The following OR51B5 variants were observed in gnomAD, a reference collection of about 807,000 sequenced individuals.
OR51B5 encodes olfactory receptor family 51 subfamily B member 5, also known as olfactory receptor 51B5.
For missense variants in OR51B5, 456 were observed against 374.6 expected, an observed-to-expected ratio of 1.22 and a Z score of -1.79; for synonymous variants, 186 against 144.8, an observed-to-expected ratio of 1.28 and a Z score of -2.04.
chr11:5,447,760 G>T (rs762923135), intron 1 of OR51B5, among the ~76,000 whole-genome samples: 6 of 142,368 alleles, frequency 4.2e-5, no homozygotes, highest in Non-Finnish European at 7.7e-5. Context: ...TTCCCCAGTG[G>T]CACTTCTTCA....
chr11:5,356,913 G>A (rs1243384726), intron 1 of OR51B5, among the ~76,000 whole-genome samples: 1 of 150,604 alleles, frequency 6.6e-6, no homozygotes, highest in South Asian at 2.1e-4. Context: ...ATACTTTACA[G>A]ACAAGCAAAT....
intron 1 of OR51B5, among the ~76,000 whole-genome samples, chr11:5,421,204 C>T (rs1274842184): frequency 6.6e-6 from 1 of 152,208 alleles, no homozygotes; most frequent in Admixed American, 6.5e-5. Context: ...TCCCAAGATG[C>T]GATGCCTCCG....
At chr11:5,470,889 A>T (rs1274617604) in intron 1 of OR51B5, among the ~76,000 whole-genome samples, 1 of 152,194 alleles carries the variant, frequency 6.6e-6, no homozygotes, top group African/African-American at 2.4e-5. Context: ...TGTCTAATTC[A>T]TTCGACACAA....
At chr11:5,387,206 G>A (rs1024368900) in intron 1 of OR51B5, among the ~76,000 whole-genome samples, 1 of 152,112 alleles carries the variant, frequency 6.6e-6, no homozygotes, top group Non-Finnish European at 1.5e-5. Context: ...AAGAGAACCA[G>A]CAGATCTTGG....
At chr11:5,488,195 T>C (rs540120683) in intron 1 of OR51B5, among the ~76,000 whole-genome samples, 5 of 152,076 alleles carry the variant, frequency 3.3e-5, no homozygotes, top group Non-Finnish European at 5.9e-5. Context: ...TTTTGTAAGA[T>C]AGTGGAAGTA....
intron 1 of OR51B5, among the ~76,000 whole-genome samples, chr11:5,475,006 A>G (rs535093719): frequency 1.3e-3 from 198 of 152,166 alleles, no homozygotes; most frequent in Non-Finnish European, 2.1e-3. Context: ...AGTAAGCTCA[A>G]TAAATAGGTG....
intron 1 of OR51B5, among the ~76,000 whole-genome samples, chr11:5,498,534 T>C (rs1851681747): frequency 6.6e-6 from 1 of 152,176 alleles, no homozygotes; most frequent in South Asian, 2.1e-4. Context: ...AAAATCAACA[T>C]ATTAGAATCT....
intron 1 of OR51B5, among the ~76,000 whole-genome samples, chr11:5,365,437 G>A (rs1849349098): frequency 6.6e-6 from 1 of 152,180 alleles, no homozygotes; most frequent in Non-Finnish European, 1.5e-5. Flanking sequence ...AAATCGCTGT[G>A]GAGAGATGCA....
At chr11:5,468,480 C>T (rs776891705) in intron 1 of OR51B5, 1 of 342,914 alleles carries the variant, frequency 2.9e-6, no homozygotes, top group African/African-American at 2.2e-5. Context: ...GGACAGTTTT[C>T]CTTGATCAGA....
At chr11:5,471,535 C>G (rs1204851615) in intron 1 of OR51B5, among the ~76,000 whole-genome samples, 1 of 151,514 alleles carries the variant, frequency 6.6e-6, no homozygotes, top group African/African-American at 2.4e-5. Flanking sequence ...ACTCGGGAGT[C>G]TGAGGCAGTA....
chr11:5,413,665 C>G (rs1169182826), intron 1 of OR51B5, among the ~76,000 whole-genome samples: 3 of 152,072 alleles, frequency 2.0e-5, no homozygotes, highest in African/African-American at 7.2e-5. Flanking sequence ...ATGCAATCAA[C>G]TGGAAGAAAG....
intron 1 of OR51B5, among the ~76,000 whole-genome samples, chr11:5,376,816 C>T (rs1263538843): frequency 6.7e-6 from 1 of 150,246 alleles, no homozygotes; most frequent in Admixed American, 6.6e-5. Flanking sequence ...TGGCAATAAT[C>T]AATAGCTTAC....
At chr11:5,441,193 T>A (rs756956569) in intron 1 of OR51B5, 1 of 1,613,914 alleles carries the variant, frequency 6.2e-7, no homozygotes, top group Non-Finnish European at 8.5e-7. Context: ...AAGGAGAAAG[T>A]GTGGATGAAG....
intron 1 of OR51B5, chr11:5,402,929 C>G (rs1345234747): frequency 6.4e-6 from 3 of 471,358 alleles, no homozygotes; most frequent in Admixed American, 2.3e-5. Context: ...CATTCTTTAT[C>G]CATGATGGAG....
intron 1 of OR51B5, among the ~76,000 whole-genome samples, chr11:5,388,441 G>T (rs1849736036): frequency 6.6e-6 from 1 of 151,006 alleles, no homozygotes; most frequent in Non-Finnish European, 1.5e-5. Flanking sequence ...AGCTAAGGTG[G>T]GTTATATTAG....
At chr11:5,361,518 A>G (rs1849283293) in intron 1 of OR51B5, among the ~76,000 whole-genome samples, 1 of 152,182 alleles carries the variant, frequency 6.6e-6, no homozygotes. Flanking sequence ...AAAGAACTCC[A>G]GTGTGTCTTG....
intron 1 of OR51B5, among the ~76,000 whole-genome samples, chr11:5,396,552 T>TAAAAA (rs60136083): frequency 2.6e-5 from 4 of 151,094 alleles, no homozygotes; most frequent in African/African-American, 9.7e-5. Flanking sequence ...CTCAAGGAAA[T>TAAAAA]AAGATACAAA....
intron 1 of OR51B5, among the ~76,000 whole-genome samples, chr11:5,462,516 C>G (rs1851072403): frequency 6.6e-6 from 1 of 152,144 alleles, no homozygotes; most frequent in Admixed American, 6.5e-5. Flanking sequence ...TCTACTATGG[C>G]AAGAACTTCT....
At chr11:5,413,292 C>G (rs1850180552) in intron 1 of OR51B5, among the ~76,000 whole-genome samples, 1 of 151,986 alleles carries the variant, frequency 6.6e-6, no homozygotes, top group Non-Finnish European at 1.5e-5. Context: ...CTGTACATCA[C>G]CATCATCAAA....
Sources: gnomAD v4.1 joint callset for allele counts (sites outside exome capture counted in the v4.1 genomes callset) on GRCh38, gnomAD v4.1.1 for gene constraint, MANE v1.5 for transcripts, NCBI Gene and HGNC (gene_info 2026-07-23, HGNC 2026-07-21) for gene names.